CADM2: variants seen among roughly 807,000 people sequenced by gnomAD.
CADM2 encodes the protein immunoglobulin superfamily member 4D.
In CADM2, 12 loss-of-function variants were observed where a neutral mutation model predicts 49.8. The observed-to-expected ratio is 0.24, with a 90% CI of 0.15 to 0.39. The LOEUF is 0.39. CADM2 is among the 10% of genes least tolerant of loss of function. CADM2 has a pLI of 1.00. For missense variants in CADM2, 378 were observed against 492.3 expected, an observed-to-expected ratio of 0.77 and a Z score of 2.20; for synonymous variants, 214 against 175.4, an observed-to-expected ratio of 1.22 and a Z score of -1.74.
chr3:85,797,036 G>T (rs1007095890), intron 2 of CADM2, among the ~76,000 whole-genome samples: 4 of 150,582 alleles, frequency 2.7e-5, no homozygotes, highest in African/African-American at 9.8e-5. Flanking sequence ...GGAGGTTGCA[G>T]TGAGCCAAGA....
At chr3:85,630,769 C>T (rs1398324306) in intron 1 of CADM2, among the ~76,000 whole-genome samples, 2 of 151,980 alleles carry the variant, frequency 1.3e-5, no homozygotes, top group Non-Finnish European at 2.9e-5. Context: ...TAAGCATTCA[C>T]CTCTTGAAAT....
intron 3 of CADM2, among the ~76,000 whole-genome samples, chr3:85,807,274 G>A (rs557430814): frequency 1.8e-4 from 27 of 152,146 alleles, no homozygotes; most frequent in Admixed American, 1.3e-3. Context: ...TGTGGCAGGC[G>A]GATCACCTGA....
intron 3 of CADM2, among the ~76,000 whole-genome samples, chr3:85,813,937 T>C (rs551520716): frequency 1.3e-5 from 2 of 152,324 alleles, no homozygotes; most frequent in East Asian, 3.9e-4. Flanking sequence ...TATTGGTTAC[T>C]GTAGCCTTGT....
At chr3:85,766,351 C>A (rs956378229) in intron 2 of CADM2, among the ~76,000 whole-genome samples, 2 of 152,030 alleles carry the variant, frequency 1.3e-5, no homozygotes, top group African/African-American at 4.8e-5. Context: ...TATGTCAGGG[C>A]CCCAGAACAT....
chr3:86,063,830 T>C (rs1738984912), intron 8 of CADM2, among the ~76,000 whole-genome samples: 1 of 152,142 alleles, frequency 6.6e-6, no homozygotes, highest in South Asian at 2.1e-4. Context: ...AATAGATCTG[T>C]AAATTATAAA....
chr3:85,444,470 C>T (rs1352948404), intron 1 of CADM2, among the ~76,000 whole-genome samples: 2 of 151,900 alleles, frequency 1.3e-5, no homozygotes, highest in African/African-American at 4.8e-5. Flanking sequence ...CACACACACC[C>T]TTGCCCCAAG....
Position 86,066,738 on chromosome 3 carries a change from A to T in CADM2, c.1170A>T (p.Glu390Asp). The change falls in exon 10 of 10, where the codon GAA (glutamate) becomes GAT (aspartate). Residue 390 changes from glutamate (E) to aspartate (D), a missense_variant. Glu to Asp is a conservative substitution (Grantham distance 45). Coordinates refer to ENST00000383699, the MANE Select transcript of CADM2 (RefSeq NM_001167675.2). ...CTGATACAGCCATTATCAATGCTGAAGGCAGCCAAGTCAATGCTGAAGAGA... is the reference window on the plus strand; with the variant it reads ...CTGATACAGCCATTATCAATGCTGATGGCAGCCAAGTCAATGCTGAAGAGA... ...PDADTAIINA[E>D]GSQVNAEEKK... 1 of 1,613,984 alleles carries T rather than the reference A, an allele frequency of 6.2e-7. No individual in the cohort carries two copies. Among genetic ancestry groups the T allele is most frequent in the Non-Finnish European group, 8.5e-7 (1 of 1,179,830 alleles).
chr3:85,358,624 T>G (rs2032070796), intron 1 of CADM2, among the ~76,000 whole-genome samples: 2 of 152,148 alleles, frequency 1.3e-5, no homozygotes, highest in Admixed American at 6.6e-5. Flanking sequence ...AAACAGTGAT[T>G]GATCAAAGGA....
intron 1 of CADM2, among the ~76,000 whole-genome samples, chr3:85,231,988 T>G (rs2107814687): frequency 6.6e-6 from 1 of 152,004 alleles, no homozygotes; most frequent in African/African-American, 2.4e-5. Context: ...GTGCTGGGAT[T>G]ACAGACGTGA....
At chr3:86,013,215 G>A in intron 8 of CADM2, 1 of 1,405,534 alleles carries the variant, frequency 7.1e-7, no homozygotes. Flanking sequence ...AAACTTCTGA[G>A]CAGGAACAAA....
intron 1 of CADM2, among the ~76,000 whole-genome samples, chr3:85,354,209 G>A (rs1432732504): frequency 6.6e-6 from 1 of 151,608 alleles, no homozygotes. Context: ...CCAATATTTA[G>A]AAAATTCTTG....
intron 2 of CADM2, among the ~76,000 whole-genome samples, chr3:85,728,051 CAATT>C (rs2067775644): frequency 1.3e-5 from 2 of 152,008 alleles, no homozygotes. Flanking sequence ...CTCTAGTAAT[CAATT>C]ACTCTCCAAA....
chr3:85,778,551 C>A (rs1451295232), intron 2 of CADM2, among the ~76,000 whole-genome samples: 1 of 152,080 alleles, frequency 6.6e-6, no homozygotes, highest in Non-Finnish European at 1.5e-5. Flanking sequence ...CTCCATCCTG[C>A]CACTCTGTGA....
intron 1 of CADM2, among the ~76,000 whole-genome samples, chr3:85,159,513 T>A (rs985676050): frequency 6.6e-6 from 1 of 152,180 alleles, no homozygotes. Flanking sequence ...CCCACTGGTG[T>A]CAGTGGTTTC....
chr3:85,032,186 T>C (rs965978268), intron 1 of CADM2, among the ~76,000 whole-genome samples: 1 of 151,060 alleles, frequency 6.6e-6, no homozygotes, highest in Non-Finnish European at 1.5e-5. Context: ...AAAATCACTT[T>C]CTAGAAGGTT....
chr3:85,214,549 T>G (rs956895921), intron 1 of CADM2, among the ~76,000 whole-genome samples: 8 of 151,424 alleles, frequency 5.3e-5, no homozygotes, highest in African/African-American at 1.9e-4. Context: ...CCCCCAACCC[T>G]GGTCCTGGCC....
chr3:86,035,293 C>A (rs923005691), intron 8 of CADM2, among the ~76,000 whole-genome samples: 1 of 151,550 alleles, frequency 6.6e-6, no homozygotes, highest in South Asian at 2.1e-4. Context: ...CATTTTCTAC[C>A]TCTAGTATTC....
At chr3:85,856,311 A>C (rs1441059033) in intron 3 of CADM2, among the ~76,000 whole-genome samples, 1 of 152,178 alleles carries the variant, frequency 6.6e-6, no homozygotes, top group East Asian at 1.9e-4. Flanking sequence ...TAAGTGCTGA[A>C]CCACACATTC....
At chr3:85,027,885 C>T (rs921891693) in intron 1 of CADM2, among the ~76,000 whole-genome samples, 15 of 152,152 alleles carry the variant, frequency 9.9e-5, no homozygotes, top group African/African-American at 3.4e-4. Flanking sequence ...CCAGTCTTAA[C>T]TTGAACATAG....
Sources: gnomAD v4.1 joint callset for allele counts (sites outside exome capture counted in the v4.1 genomes callset) on GRCh38, gnomAD v4.1.1 for gene constraint, MANE v1.5 for transcripts, NCBI Gene and HGNC (gene_info 2026-07-23, HGNC 2026-07-21) for gene names.